The following PAM variants were observed in gnomAD, a reference collection of about 807,000 sequenced individuals.
PAM encodes peptidyl-glycine alpha-amidating monooxygenase.
A neutral mutation model predicts 122.1 loss-of-function variants in PAM; 72 were observed. The ratio of observed to expected loss-of-function variants is 0.59; its 90% CI spans 0.49 to 0.72. PAM has a LOEUF of 0.72. PAM is among the 30% of genes least tolerant of loss of function. PAM has a pLI of 0.00. For missense variants in PAM, 1,106 were observed against 1,183.7 expected, an observed-to-expected ratio of 0.93 and a Z score of 0.96; for synonymous variants, 389 against 404.4, an observed-to-expected ratio of 0.96 and a Z score of 0.46.
intron 14 of PAM, among the ~76,000 whole-genome samples, chr5:102,973,297 G>C (rs1456976065): frequency 6.6e-6 from 1 of 151,960 alleles, no homozygotes; most frequent in Non-Finnish European, 1.5e-5. Flanking sequence ...AAATGATGAG[G>C]GTTAAAATAC....
At chr5:102,808,041 A>C (rs1331241071) in intron 1 of PAM, 4 of 152,158 alleles carry the variant, frequency 2.6e-5, no homozygotes, top group Non-Finnish European at 5.9e-5. Context: ...AAAGCAATTA[A>C]AGGCTTCTGT....
intron 3 of PAM, among the ~76,000 whole-genome samples, chr5:102,886,433 T>C (rs1793115986): frequency 6.6e-6 from 1 of 152,034 alleles, no homozygotes; most frequent in East Asian, 1.9e-4. Flanking sequence ...GAAATGATTT[T>C]CCACCCCTTC....
intron 13 of PAM, 83 bp downstream of exon 13, chr5:102,960,142 A>G: frequency 1.3e-6 from 1 of 749,238 alleles, no homozygotes; most frequent in Non-Finnish European, 2.1e-6. Context: ...GATATTTAAA[A>G]TCATCTTTAT....
intron 3 of PAM, among the ~76,000 whole-genome samples, chr5:102,894,602 G>A (rs534830391): frequency 3.0e-4 from 45 of 151,640 alleles, no homozygotes; most frequent in Non-Finnish European, 5.9e-4. Context: ...TTTAGGCCAA[G>A]CCTCACCTCT....
chr5:102,965,244 G>A (rs1022740066), intron 14 of PAM, among the ~76,000 whole-genome samples: 13 of 150,624 alleles, frequency 8.6e-5, no homozygotes, highest in African/African-American at 3.2e-4. Context: ...AACACATTTT[G>A]TAAGTTCTCT....
chr5:102,850,389 A>G (rs1781064082), intron 1 of PAM, among the ~76,000 whole-genome samples: 1 of 152,248 alleles, frequency 6.6e-6, no homozygotes, highest in African/African-American at 2.4e-5. Flanking sequence ...TAGTTGGAAC[A>G]TAATTAAATT....
At chr5:102,948,628 A>G (rs1482354507) in intron 9 of PAM, among the ~76,000 whole-genome samples, 183 bp downstream of exon 9, 2 of 152,064 alleles carry the variant, frequency 1.3e-5, no homozygotes, top group African/African-American at 4.8e-5. Flanking sequence ...CCAGTGGTTT[A>G]TTACTTTTCC....
intron 14 of PAM, among the ~76,000 whole-genome samples, chr5:102,967,257 T>C (rs1764364967): frequency 6.6e-6 from 1 of 152,180 alleles, no homozygotes; most frequent in African/African-American, 2.4e-5. Flanking sequence ...CTATGCTGCA[T>C]TCCTTTTCTC....
downstream of PAM, chr5:103,030,521 G>A (rs1055809882): frequency 4.6e-5 from 7 of 152,102 alleles, no homozygotes; most frequent in East Asian, 1.9e-4. Context: ...ATTTGGAAAC[G>A]GTAAGTCTGC....
chr5:103,008,521 CAT>C (rs1325053852), intron 20 of PAM, among the ~76,000 whole-genome samples: 1 of 152,024 alleles, frequency 6.6e-6, no homozygotes. Context: ...AAGGGCACAA[CAT>C]ATTTTAATAA....
At chr5:102,902,102 T>C (rs1238194524) in intron 4 of PAM, among the ~76,000 whole-genome samples, 1 of 151,580 alleles carries the variant, frequency 6.6e-6, no homozygotes, top group Non-Finnish European at 1.5e-5. Context: ...GGCAAATTAT[T>C]CATGTATTTG....
chr5:102,923,784 A>G (rs1372886917), intron 5 of PAM, among the ~76,000 whole-genome samples: 1 of 152,208 alleles, frequency 6.6e-6, no homozygotes, highest in East Asian at 1.9e-4. Flanking sequence ...CGCCCAAGAT[A>G]CAGAGCTGCT....
chr5:102,854,662 A>G (rs1782157712), intron 1 of PAM, among the ~76,000 whole-genome samples: 1 of 152,132 alleles, frequency 6.6e-6, no homozygotes. Flanking sequence ...CCTTGTAAAA[A>G]TTATTAAAAA....
chr5:102,802,858 G>A (rs1765140733), intron 1 of PAM, among the ~76,000 whole-genome samples: 1 of 152,150 alleles, frequency 6.6e-6, no homozygotes, highest in African/African-American at 2.4e-5. Flanking sequence ...TACATATGAG[G>A]TAGTACTATT....
chr5:102,935,570 G>A (rs558722703), intron 7 of PAM, among the ~76,000 whole-genome samples: 27 of 152,196 alleles, frequency 1.8e-4, no homozygotes, highest in Non-Finnish European at 7.4e-5. Context: ...TTGGGGTCAT[G>A]GAGTGTCTAA....
In PAM at chr5:103,028,985, C is replaced by G. The variant is rs1333170336; in HGVS notation, c.2842C>G (p.Gln948Glu). ...CCGGCTTAGCACTGAGGGCAGTGAC[C>G]AAGAGAAAGAGGATGATGGAAGTGA... is the stretch of plus-strand genomic sequence containing the variant. ...FDRLSTEGSD[Q>E]EKEDDGSESE... The change falls in exon 26 of 26, where the codon CAA (glutamine) becomes GAA (glutamate). Residue 948 changes from glutamine to glutamate, a missense_variant. Physicochemically the swap from Gln to Glu is conservative, Grantham distance 29 (BLOSUM62 2). This residue lies in a region of PAM where 333 missense variants were observed against 335.6 expected (regional missense o/e 0.99). Coordinates refer to ENST00000438793, the MANE Select transcript of PAM (RefSeq NM_001177306.2). 3.1e-6 allele frequency: 5 copies of G among 1,613,558 alleles called. No homozygotes were observed. Among genetic ancestry groups the G allele is most frequent in the Non-Finnish European group, 3.4e-6 (4 of 1,179,706 alleles).
intron 15 of PAM, among the ~76,000 whole-genome samples, chr5:102,985,136 A>T (rs1771340268): frequency 6.6e-6 from 1 of 152,088 alleles, no homozygotes; most frequent in Non-Finnish European, 1.5e-5. Flanking sequence ...GAGTAGAAGG[A>T]TGTCAAATAA....
chr5:102,798,863 C>G (rs149888604), intron 1 of PAM, among the ~76,000 whole-genome samples: 2 of 152,212 alleles, frequency 1.3e-5, no homozygotes, highest in East Asian at 3.9e-4. Flanking sequence ...CTGTCTGTAT[C>G]GTGTTTTGTC....
At chr5:102,989,064 G>A (rs1228337524) in intron 15 of PAM, among the ~76,000 whole-genome samples, 1 of 152,108 alleles carries the variant, frequency 6.6e-6, no homozygotes, top group African/African-American at 2.4e-5. Context: ...TTTCTCCTCA[G>A]AATCTTTGTT....
Sources: gnomAD v4.1 joint callset for allele counts (sites outside exome capture counted in the v4.1 genomes callset) on GRCh38, gnomAD v4.1.1 for gene constraint, gnomAD v4.1.1 regional missense constraint, MANE v1.5 for transcripts, NCBI Gene and HGNC (gene_info 2026-07-23, HGNC 2026-07-21) for gene names.